PCDHA8: variants seen among roughly 807,000 people sequenced by gnomAD.
PCDHA8 encodes the protein protocadherin alpha 8.
PCDHA8 carries 53 observed loss-of-function variants against 61.8 expected under a neutral mutation model. The ratio of observed to expected loss-of-function variants is 0.86; its 90% confidence interval spans 0.69 to 1.08. The LOEUF is 1.08. Ranked by LOEUF, PCDHA8 falls within the 50% of genes least tolerant of loss-of-function variation. PCDHA8 has a pLI of 0.00. For missense variants in PCDHA8, 1,293 were observed against 1,245.0 expected (o/e 1.04, Z -0.58); for synonymous variants, 618 against 556.6 (o/e 1.11, Z -1.55).
At chr5:141,006,978 T>C (rs2098297277) in intron 3 of PCDHA8, among the ~76,000 whole-genome samples, 1 of 152,090 alleles carries the variant, frequency 6.6e-6, no homozygotes, top group African/African-American at 2.4e-5. Context: ...CACAGAGAGA[T>C]GTGGGCTTAA....
chr5:140,841,440 A>C lies in PCDHA8; in HGVS notation c.119A>C (p.Lys40Thr). 1 of 1,612,980 alleles carries C rather than the reference A, an allele frequency of 6.2e-7. No individual in the cohort carries two copies. The highest frequency in any genetic ancestry group is 1.1e-5 in the South Asian group (1 of 91,018). The change falls in exon 1 of 4, where the codon AAA becomes ACA. Residue 40 changes from lysine to threonine, a missense_variant. Coordinates refer to ENST00000531613, the MANE Select transcript of PCDHA8 (RefSeq NM_018911.3). Reference sequence around the variant, plus strand: ...CACTACTCCGTCCCCGAGGAGGCCAAACACGGCACCTTCGTGGGCCGGATC... The same window carrying C: ...CACTACTCCGTCCCCGAGGAGGCCACACACGGCACCTTCGTGGGCCGGATC... ...QLHYSVPEEA[K>T]HGTFVGRIAQ...
chr5:140,919,926 TG>T (rs1366281727), intron 1 of PCDHA8, among the ~76,000 whole-genome samples: 3 of 152,088 alleles, frequency 2.0e-5, no homozygotes, highest in African/African-American at 7.2e-5. Flanking sequence ...AATTTTCAGG[TG>T]GGGGCTAATT....
At chr5:140,925,131 T>A (rs986113292) in intron 1 of PCDHA8, among the ~76,000 whole-genome samples, 5 of 150,904 alleles carry the variant, frequency 3.3e-5, no homozygotes, top group East Asian at 1.9e-4. Context: ...GGAAAAAAAA[T>A]TTCAAACATA....
intron 1 of PCDHA8, chr5:140,869,761 C>T (rs782673770): frequency 6.2e-7 from 1 of 1,613,150 alleles, no homozygotes; most frequent in Non-Finnish European, 8.5e-7. Context: ...CGGGGGAAAA[C>T]CAGAGCTTAC....
At chr5:140,928,977 T>C in intron 1 of PCDHA8, 1 of 1,613,888 alleles carries the variant, frequency 6.2e-7, no homozygotes, top group Non-Finnish European at 8.5e-7. Context: ...CCTTTTTATT[T>C]CTGGGGTGCT....
chr5:140,953,464 T>C (rs2094890309), intron 1 of PCDHA8, among the ~76,000 whole-genome samples: 1 of 152,142 alleles, frequency 6.6e-6, no homozygotes. Flanking sequence ...GTCAGAGTTT[T>C]AACTTCCTCA....
At chr5:140,863,308 G>A (rs782229195) in intron 1 of PCDHA8, 4 of 1,462,176 alleles carry the variant, frequency 2.7e-6, no homozygotes, top group Non-Finnish European at 3.7e-6. Context: ...CGCCATCTGC[G>A]TGGTGTCCAG....
chr5:140,869,320 G>T, intron 1 of PCDHA8: 1 of 1,613,846 alleles, frequency 6.2e-7, no homozygotes, highest in Non-Finnish European at 8.5e-7. Context: ...AACACATGGG[G>T]ACCTTCTGGA....
chr5:140,995,918 G>A (rs1303145667), intron 3 of PCDHA8, among the ~76,000 whole-genome samples: 1 of 152,180 alleles, frequency 6.6e-6, no homozygotes, highest in Non-Finnish European at 1.5e-5. Flanking sequence ...GAGACCATAG[G>A]CTGTTGTAAG....
intron 1 of PCDHA8, among the ~76,000 whole-genome samples, chr5:140,880,402 G>A (rs1014801012): frequency 3.9e-5 from 6 of 152,182 alleles, no homozygotes; most frequent in Non-Finnish European, 8.8e-5. Context: ...AGAGCATATG[G>A]TTGACCTTAA....
rs1554148289 is a variant in PCDHA8, at chr5:140,856,164, G to A, written c.2394+12449G>A. 5.0e-6 allele frequency: 8 copies of A among 1,598,390 alleles called. 1 individual carries two copies. Among genetic ancestry groups the A allele is most frequent in the Non-Finnish European group, 6.8e-6 (8 of 1,167,930 alleles). On this transcript the variant is annotated intron_variant, in intron 1 of 3. Coordinates refer to ENST00000531613, the MANE Select transcript of PCDHA8 (RefSeq NM_018911.3). ...CACTACTCAGTCTACGAGGAGGCCA[G>A]ACACGGCACCTTCGTGGGCCGCATC...
intron 1 of PCDHA8, chr5:140,857,918 G>A: frequency 3.1e-6 from 5 of 1,597,824 alleles, no homozygotes; most frequent in Non-Finnish European, 4.3e-6. Context: ...GTTTCGCGTG[G>A]GGCTGTACAC....
intron 3 of PCDHA8, among the ~76,000 whole-genome samples, chr5:140,998,105 A>G (rs1554256162): frequency 6.6e-6 from 1 of 152,204 alleles, no homozygotes; most frequent in African/African-American, 2.4e-5. Context: ...CAAACAGAGG[A>G]GAAAATTTAC....
At chr5:140,951,544 G>C (rs543008494) in intron 1 of PCDHA8, among the ~76,000 whole-genome samples, 1 of 151,878 alleles carries the variant, frequency 6.6e-6, no homozygotes, top group African/African-American at 2.4e-5. Context: ...AGCAAGGGAC[G>C]GGGGGAAGTG....
At position 140,876,752 on chromosome 5, in the gene PCDHA8, C is replaced by G. The variant is rs374137138; in HGVS notation, c.2394+33037C>G. On this transcript the variant is annotated intron_variant, in intron 1 of 3. Coordinates refer to ENST00000531613, the MANE Select transcript of PCDHA8 (RefSeq NM_018911.3). ...TCGGCCTATGAGCTGGTGGTGACTGCGCGGGATGGGGGCTCGCCTTCGCTG... is the reference window on the plus strand; with the variant it reads ...TCGGCCTATGAGCTGGTGGTGACTGGGCGGGATGGGGGCTCGCCTTCGCTG... 1.4e-5 allele frequency: 23 copies of G among 1,614,194 alleles called. No homozygotes were observed. The African/African-American group carries it at 2.8e-4, about 20-fold the overall frequency.
chr5:140,866,864 G>T (rs1217408755), intron 1 of PCDHA8: 1 of 152,050 alleles, frequency 6.6e-6, no homozygotes, highest in African/African-American at 2.4e-5. Context: ...GTATTGAAAT[G>T]ACTTCTTGGT....
intron 3 of PCDHA8, among the ~76,000 whole-genome samples, chr5:141,001,642 G>A (rs1399710505): frequency 6.6e-6 from 1 of 152,110 alleles, no homozygotes; most frequent in African/African-American, 2.4e-5. Flanking sequence ...GGGGGTGAAG[G>A]TGTGGGAGAA....
At chr5:140,967,428 C>T (rs782709354) in intron 1 of PCDHA8, 2 of 1,613,402 alleles carry the variant, frequency 1.2e-6, no homozygotes, top group East Asian at 4.5e-5. Context: ...GAGCAGGCAG[C>T]CTTGCACCAC....
At chr5:140,845,811 T>C (rs200141146) in intron 1 of PCDHA8, among the ~76,000 whole-genome samples, 1 of 149,748 alleles carries the variant, frequency 6.7e-6, no homozygotes, top group South Asian at 2.1e-4. Context: ...GATAGGTACA[T>C]AATAAAATTT....
Sources: gnomAD v4.1 joint callset for allele counts (sites outside exome capture counted in the v4.1 genomes callset) on GRCh38, gnomAD v4.1.1 for gene constraint, MANE v1.5 for transcripts, NCBI Gene and HGNC (gene_info 2026-07-23, HGNC 2026-07-21) for gene names.